The following IMMP2L variants were observed in gnomAD, a reference collection of about 807,000 sequenced individuals.
IMMP2L encodes mitochondrial inner membrane protease subunit 2.
A neutral mutation model predicts 19.3 loss-of-function variants in IMMP2L; 18 were observed. The ratio of observed to expected loss-of-function variants is 0.93; its 90% confidence interval spans 0.64 to 1.38. The LOEUF (loss-of-function observed/expected upper bound fraction) is 1.38. Ranked by LOEUF, IMMP2L falls within the 40% of genes most tolerant of loss-of-function variation. The pLI, the probability that IMMP2L is intolerant of heterozygous loss-of-function variation, is 0.00. For synonymous variants in IMMP2L, 76 were observed against 73.0 expected, an observed-to-expected ratio of 1.04 and a Z score of -0.21; for missense variants, 233 against 218.2, an observed-to-expected ratio of 1.07 and a Z score of -0.43.
At chr7:110,833,258 G>A (rs1196648226) in intron 5 of IMMP2L, among the ~76,000 whole-genome samples, 1 of 151,944 alleles carries the variant, frequency 6.6e-6, no homozygotes, top group African/African-American at 2.4e-5. Flanking sequence ...GGCCAACATG[G>A]TGAAATCCTA....
chr7:111,273,681 G>A (rs1818721400), intron 3 of IMMP2L, among the ~76,000 whole-genome samples: 1 of 151,962 alleles, frequency 6.6e-6, no homozygotes, highest in Non-Finnish European at 1.5e-5. Context: ...GGTCTGAAGG[G>A]GTCTTAAGTT....
At chr7:110,945,127 T>C (rs1417241572) in intron 4 of IMMP2L, among the ~76,000 whole-genome samples, 3 of 151,888 alleles carry the variant, frequency 2.0e-5, no homozygotes, top group Non-Finnish European at 2.9e-5. Context: ...ATGCAAACTA[T>C]AGGTATGGCC....
chr7:110,817,924 A>T (rs1802678973), intron 5 of IMMP2L, among the ~76,000 whole-genome samples: 3 of 152,162 alleles, frequency 2.0e-5, no homozygotes, highest in Admixed American at 1.3e-4. Flanking sequence ...AGAAAGCTGA[A>T]ACTGGATCCC....
At chr7:111,404,401 T>G (rs999063132) in intron 3 of IMMP2L, among the ~76,000 whole-genome samples, 2 of 152,130 alleles carry the variant, frequency 1.3e-5, no homozygotes, top group Non-Finnish European at 2.9e-5. Flanking sequence ...AGAATATACA[T>G]GCATTCAAAT....
At chr7:111,484,614 T>C (rs1418036731) in intron 3 of IMMP2L, among the ~76,000 whole-genome samples, 2 of 152,156 alleles carry the variant, frequency 1.3e-5, no homozygotes, top group Non-Finnish European at 2.9e-5. Flanking sequence ...TTATCATCTA[T>C]GTTAAAAACA....
chr7:110,853,900 T>C (rs1203293845), intron 5 of IMMP2L, among the ~76,000 whole-genome samples: 1 of 151,978 alleles, frequency 6.6e-6, no homozygotes, highest in East Asian at 1.9e-4. Flanking sequence ...TAATATGTGA[T>C]AGCCAAAGAA....
At chr7:111,164,250 G>A (rs757656963) in intron 3 of IMMP2L, among the ~76,000 whole-genome samples, 23 of 151,968 alleles carry the variant, frequency 1.5e-4, no homozygotes, top group East Asian at 3.9e-4. Flanking sequence ...GTATTAGGTC[G>A]GCGCAATTAC....
At chr7:111,402,623 A>G (rs2131422632) in intron 3 of IMMP2L, among the ~76,000 whole-genome samples, 1 of 152,104 alleles carries the variant, frequency 6.6e-6, no homozygotes. Flanking sequence ...AGGCAGGAGA[A>G]TTACTTGAAT....
At chr7:111,077,844 A>G (rs1795548540) in intron 3 of IMMP2L, among the ~76,000 whole-genome samples, 1 of 152,164 alleles carries the variant, frequency 6.6e-6, no homozygotes, top group Non-Finnish European at 1.5e-5. Flanking sequence ...ACTCATGCAC[A>G]CTGGCCTTTT....
chr7:110,875,498 A>G (rs897886265), intron 5 of IMMP2L, among the ~76,000 whole-genome samples: 1 of 152,174 alleles, frequency 6.6e-6, no homozygotes, highest in African/African-American at 2.4e-5. Flanking sequence ...ACATAATTCC[A>G]TAATGACTTG....
chr7:111,486,664 T>C (rs78442498), intron 3 of IMMP2L, among the ~76,000 whole-genome samples: 1,613 of 152,274 alleles, frequency 0.011, 35 homozygotes, highest in African/African-American at 0.036. Flanking sequence ...GTGTCAGTTA[T>C]ACACACTTTG....
At chr7:110,965,478 T>C (rs1819441974) in intron 3 of IMMP2L, among the ~76,000 whole-genome samples, 3 of 152,088 alleles carry the variant, frequency 2.0e-5, no homozygotes, top group Admixed American at 2.0e-4. Context: ...GTTAACTTTT[T>C]TATTTTAAAA....
chr7:111,217,835 T>C (rs1479893806), intron 3 of IMMP2L, among the ~76,000 whole-genome samples: 1 of 152,084 alleles, frequency 6.6e-6, no homozygotes, highest in Non-Finnish European at 1.5e-5. Context: ...TCCCTATATA[T>C]TCTAGAAATC....
chr7:110,687,093 C>T (rs1793169572), intron 5 of IMMP2L, among the ~76,000 whole-genome samples: 1 of 152,042 alleles, frequency 6.6e-6, no homozygotes, highest in Non-Finnish European at 1.5e-5. Flanking sequence ...TTGAGAACTT[C>T]TTCGCTAAAA....
At chr7:110,976,185 C>A (rs1328016486) in intron 3 of IMMP2L, among the ~76,000 whole-genome samples, 1 of 151,870 alleles carries the variant, frequency 6.6e-6, no homozygotes, top group Non-Finnish European at 1.5e-5. Context: ...TATAAGTAGA[C>A]CATAAGATGA....
At chr7:111,040,536 C>T (rs1192705629) in intron 3 of IMMP2L, among the ~76,000 whole-genome samples, 1 of 151,120 alleles carries the variant, frequency 6.6e-6, no homozygotes, top group African/African-American at 2.4e-5. Flanking sequence ...GATTGTATAT[C>T]CTGAAAATCT....
chr7:111,505,869 T>A (rs1004750500), intron 2 of IMMP2L, among the ~76,000 whole-genome samples: 5 of 152,058 alleles, frequency 3.3e-5, no homozygotes, highest in African/African-American at 1.2e-4. Flanking sequence ...TATGTAATGC[T>A]AAATGACGAG....
intron 5 of IMMP2L, among the ~76,000 whole-genome samples, chr7:110,841,067 C>G (rs1454339753): frequency 6.6e-6 from 1 of 151,954 alleles, no homozygotes; most frequent in Admixed American, 6.6e-5. Flanking sequence ...CTTGAAAAAG[C>G]ACTTTTCAAG....
intron 1 of IMMP2L, among the ~76,000 whole-genome samples, chr7:111,534,770 C>T (rs1263361256): frequency 6.6e-6 from 1 of 152,182 alleles, no homozygotes; most frequent in Non-Finnish European, 1.5e-5. Context: ...AGCAAGTCTT[C>T]TCCCAATTAA....
Sources: gnomAD v4.1 joint callset for allele counts (sites outside exome capture counted in the v4.1 genomes callset) on GRCh38, gnomAD v4.1.1 for gene constraint, MANE v1.5 for transcripts, NCBI Gene and HGNC (gene_info 2026-07-23, HGNC 2026-07-21) for gene names.